Variants in ZDHHC17 observed in about 807,000 individuals in gnomAD.
ZDHHC17 encodes zDHHC palmitoyltransferase 17, also known as palmitoyltransferase ZDHHC17.
ZDHHC17 carries 40 observed loss-of-function variants against 90.3 expected under a neutral mutation model. That is an observed-to-expected ratio of 0.44 (90% CI 0.34 to 0.58). The LOEUF (loss-of-function observed/expected upper bound fraction) is 0.58. Ranked by LOEUF, ZDHHC17 falls within the 20% of genes least tolerant of loss-of-function variation. The pLI, the probability that ZDHHC17 is intolerant of heterozygous loss-of-function variation, is 0.01. For synonymous variants in ZDHHC17, 235 were observed against 252.4 expected, an observed-to-expected ratio of 0.93 and a Z score of 0.65; for missense variants, 614 against 780.8, an observed-to-expected ratio of 0.79 and a Z score of 2.55.
intron 3 of ZDHHC17, among the ~76,000 whole-genome samples, chr12:76,806,207 A>G (rs1324351757): frequency 6.6e-6 from 1 of 152,012 alleles, no homozygotes; most frequent in Non-Finnish European, 1.5e-5. Context: ...CGATCCTCCC[A>G]CCTCATACTC....
intron 1 of ZDHHC17, among the ~76,000 whole-genome samples, chr12:76,788,688 A>ATATTTTTTTTTTTT (rs61663401): frequency 0.078 from 7,593 of 97,694 alleles, 1,470 homozygotes; most frequent in East Asian, 0.16. Flanking sequence ...TGGAATCGCA[A>ATATTTTTTTTTTTT]TTTTTTTTTT....
At chr12:76,838,834 T>C (rs1295784123) in intron 10 of ZDHHC17, among the ~76,000 whole-genome samples, 2 of 152,174 alleles carry the variant, frequency 1.3e-5, no homozygotes, top group Admixed American at 1.3e-4. Flanking sequence ...TTTTCTCCAA[T>C]TGAGTGGGAC....
At chr12:76,824,095 C>T (rs572571466) in intron 8 of ZDHHC17, among the ~76,000 whole-genome samples, 1,685 of 151,008 alleles carry the variant, frequency 0.011, 11 homozygotes, top group Non-Finnish European at 0.017. Context: ...TATGTATATT[C>T]ACACACACAC....
intron 1 of ZDHHC17, chr12:76,764,675 C>G (rs1952410682): frequency 1.9e-6 from 1 of 514,118 alleles, no homozygotes; most frequent in African/African-American, 1.9e-5. Flanking sequence ...TAGTCTTGCT[C>G]CAAGCCTCTT....
At chr12:76,845,044 GGTT>G (rs1041656105) in intron 12 of ZDHHC17, 1 of 19,238 alleles carries the variant, frequency 5.2e-5, no homozygotes, top group Non-Finnish European at 1.6e-4. Flanking sequence ...AATTATATGG[GGTT>G]TTTTTTTTTG....
At chr12:76,841,726 T>A (rs1714988991) in intron 10 of ZDHHC17, among the ~76,000 whole-genome samples, 2 of 152,126 alleles carry the variant, frequency 1.3e-5, no homozygotes, top group Admixed American at 1.3e-4. Context: ...TCTTCATTTT[T>A]GTCAAAAAAT....
At chr12:76,815,403 C>T (rs549734050) in intron 6 of ZDHHC17, among the ~76,000 whole-genome samples, 193 bp downstream of exon 6, 1 of 151,890 alleles carries the variant, frequency 6.6e-6, no homozygotes, top group Admixed American at 6.6e-5. Context: ...TTAGAGCTTC[C>T]TTAATCTGTT....
chr12:76,829,455 C>CAAAAAAAAAAA (rs58051393), intron 10 of ZDHHC17, among the ~76,000 whole-genome samples: 15 of 71,920 alleles, frequency 2.1e-4, no homozygotes, highest in African/African-American at 8.3e-4. Context: ...GACTATGTCT[C>CAAAAAAAAAAA]AAAAAAAAAA....
intron 15 of ZDHHC17, among the ~76,000 whole-genome samples, chr12:76,849,010 G>C (rs1953527531): frequency 6.7e-6 from 1 of 150,138 alleles, no homozygotes; most frequent in Admixed American, 6.7e-5. Context: ...GTGCAGCCTG[G>C]CATGGTGGCT....
At chr12:76,845,463 A>T (rs997612064) in intron 12 of ZDHHC17, 1 of 218,030 alleles carries the variant, frequency 4.6e-6, no homozygotes, top group Non-Finnish European at 8.9e-6. Flanking sequence ...TTGTAAATTG[A>T]TGGTTCAGTT....
At position 76,797,494 on chromosome 12, in the gene ZDHHC17, C is replaced by G; in HGVS notation, c.154C>G (p.His52Asp). Reference sequence around the variant, plus strand: ...TGGTGAACCTCTTGGACGGAAAACTCATATTGATGATTACAGCACATGGGA... The same window carrying G: ...TGGTGAACCTCTTGGACGGAAAACTGATATTGATGATTACAGCACATGGGA... The part of the protein sequence containing the change: ...GYGEPLGRKT[H>D]IDDYSTWDIV... Residue 52 changes from histidine to aspartate, a missense_variant, in exon 2 of 17, where the codon CAT (histidine) becomes GAT (aspartate). Coordinates refer to ENST00000426126, the MANE Select transcript of ZDHHC17 (RefSeq NM_015336.4). 6.2e-7 allele frequency: 1 copy of G among 1,611,542 alleles called. No homozygotes were observed. The highest frequency in any genetic ancestry group is 8.5e-7 in the Non-Finnish European group (1 of 1,178,706).
At chr12:76,775,065 C>T (rs1369860410) in intron 1 of ZDHHC17, among the ~76,000 whole-genome samples, 2 of 152,176 alleles carry the variant, frequency 1.3e-5, no homozygotes, top group East Asian at 3.9e-4. Flanking sequence ...TGGGTTTAAG[C>T]GATTCACCTG....
At chr12:76,849,093 G>T (rs1229661075) in intron 15 of ZDHHC17, among the ~76,000 whole-genome samples, 1 of 144,426 alleles carries the variant, frequency 6.9e-6, no homozygotes, top group Non-Finnish European at 1.5e-5. Context: ...AGATCAGCCT[G>T]GGCAACATGG....
At chr12:76,782,256 G>C (rs1952635418) in intron 1 of ZDHHC17, among the ~76,000 whole-genome samples, 1 of 152,188 alleles carries the variant, frequency 6.6e-6, no homozygotes, top group South Asian at 2.1e-4. Flanking sequence ...TTAGCTGGAT[G>C]CCTGCTGGGT....
chr12:76,770,383 C>A (rs1160260231), intron 1 of ZDHHC17, among the ~76,000 whole-genome samples: 1 of 152,262 alleles, frequency 6.6e-6, no homozygotes, highest in East Asian at 1.9e-4. Flanking sequence ...GTGTGCTTTG[C>A]TACAAGGGAG....
At chr12:76,830,043 C>G (rs542582881) in intron 10 of ZDHHC17, among the ~76,000 whole-genome samples, 115 of 145,322 alleles carry the variant, frequency 7.9e-4, no homozygotes, top group African/African-American at 2.8e-3. Context: ...TGCCTGTGTG[C>G]CAATAAAGAC....
chr12:76,764,253 G>C lies in ZDHHC17; in HGVS notation c.17G>C (p.Gly6Ala), dbSNP rs779996508. The C allele has an allele frequency of 8.1e-6, 13 of 1,604,790 alleles. No individual in the cohort carries two copies. Among genetic ancestry groups the C allele is most frequent in the Non-Finnish European group, 1.0e-5 (12 of 1,175,914 alleles). The change falls in exon 1 of 17, where the codon GGA becomes GCA. Residue 6 changes from glycine to alanine, a missense_variant. Gly to Ala is a moderately conservative substitution (Grantham distance 60). Coordinates refer to ENST00000426126, the MANE Select transcript of ZDHHC17 (RefSeq NM_015336.4). The part of the protein sequence containing the change: MQREE[G>A]FNTKMADGPD... ...TCTCCCAGCATGCAGCGGGAGGAGG[G>C]ATTTAACACCAAGATGGCGGACGGC... is the stretch of plus-strand genomic sequence containing the variant.
intron 8 of ZDHHC17, among the ~76,000 whole-genome samples, chr12:76,825,469 C>T (rs1171785844): frequency 6.6e-6 from 1 of 152,126 alleles, no homozygotes; most frequent in South Asian, 2.1e-4. Flanking sequence ...TGTACCCATA[C>T]ACTCTCTGTC....
intron 5 of ZDHHC17, among the ~76,000 whole-genome samples, chr12:76,814,316 GAGT>G (rs966694129): frequency 6.6e-6 from 1 of 151,826 alleles, no homozygotes; most frequent in African/African-American, 2.4e-5. Flanking sequence ...GCAAAAAATT[GAGT>G]AGAAGAGGAA....
Sources: allele counts gnomAD v4.1 joint callset (sites outside exome capture counted in the v4.1 genomes callset), GRCh38; gene constraint gnomAD v4.1.1; transcripts MANE v1.5; gene names NCBI Gene and HGNC (gene_info 2026-07-23, HGNC 2026-07-21).